Variants in PCDHGA1 observed in about 807,000 individuals in gnomAD.
PCDHGA1 encodes protocadherin gamma-A1.
PCDHGA1 carries 32 observed loss-of-function variants against 58.0 expected under a neutral mutation model. The ratio of observed to expected loss-of-function variants is 0.55; its 90% CI spans 0.42 to 0.74. The LOEUF (loss-of-function observed/expected upper bound fraction) is 0.74. Among genes scored for constraint, PCDHGA1 ranks in the 30% least tolerant of loss-of-function variants. The pLI is 0.00. For missense variants in PCDHGA1, 1,205 were observed against 1,182.3 expected (o/e 1.02, Z -0.28); for synonymous variants, 498 against 501.1 (o/e 0.99, Z 0.08).
intron 1 of PCDHGA1, among the ~76,000 whole-genome samples, chr5:141,437,415 G>A: frequency 6.6e-6 from 1 of 152,162 alleles, no homozygotes; most frequent in Non-Finnish European, 1.5e-5. Context: ...GAAGTATTAT[G>A]CTTTTTGAAG....
At chr5:141,453,205 G>C (rs570291941) in intron 1 of PCDHGA1, among the ~76,000 whole-genome samples, 2 of 151,872 alleles carry the variant, frequency 1.3e-5, no homozygotes, top group Non-Finnish European at 2.9e-5. Context: ...CCTCAACCTC[G>C]TGCACTTAAG....
chr5:141,332,610 C>G lies in PCDHGA1; in HGVS notation c.1926C>G (p.Leu642=). The part of the protein sequence containing the change: ...LLDRDALKQS[L]VVAVQDHGQP... ...ACAGAGACGCGCTCAAGCAGAGTCT[C>G]GTGGTGGCCGTCCAGGACCACGGCC... Residue 642 remains leucine, a synonymous_variant, in exon 1 of 4, where the codon CTC becomes CTG. Transcript: ENST00000517417. This position sits in a 1 kb window ranked among gnomAD's most constrained non-coding sequence, Gnocchi z 4.6. 1 of 1,612,896 alleles carries G rather than the reference C, an allele frequency of 6.2e-7. No homozygotes were observed.
chr5:141,484,000 G>C (rs1425172275), intron 1 of PCDHGA1, among the ~76,000 whole-genome samples: 1 of 147,812 alleles, frequency 6.8e-6, no homozygotes, highest in Admixed American at 6.8e-5. Context: ...TGGGAGGTCT[G>C]GATGAGGGTG....
chr5:141,428,119 C>CCGGGCTTTTCAGCCTGGGGCTGCACA, intron 1 of PCDHGA1: 1 of 1,606,630 alleles, frequency 6.2e-7, no homozygotes, highest in Non-Finnish European at 8.5e-7. Context: ...GCCATCGAGC[C>CCGGGCTTTTCAGCCTGGGGCTGCACA]CGGGCTTTTC....
chr5:141,383,268 A>C (rs773903039), intron 1 of PCDHGA1: 1 of 1,613,816 alleles, frequency 6.2e-7, no homozygotes, highest in Non-Finnish European at 8.5e-7. Context: ...ACGTGGAAAT[A>C]ATAGATATTA....
At chr5:141,409,262 G>A (rs768196825) in intron 1 of PCDHGA1, 2 of 1,613,834 alleles carry the variant, frequency 1.2e-6, no homozygotes, top group African/African-American at 2.7e-5. Flanking sequence ...TTCTCTCTCT[G>A]ATCAGATTTT....
intron 1 of PCDHGA1, chr5:141,395,935 A>T (rs950567838): frequency 6.6e-6 from 1 of 152,118 alleles, no homozygotes; most frequent in Non-Finnish European, 1.5e-5. Context: ...TAGAATGTCC[A>T]TTGCTCCCCC....
intron 1 of PCDHGA1, chr5:141,372,480 T>A (rs777083908): frequency 1.2e-5 from 19 of 1,613,928 alleles, no homozygotes; most frequent in Non-Finnish European, 1.6e-5. Flanking sequence ...AGTAGTGGCG[T>A]TGGCCTTGAT....
At chr5:141,375,620 A>T in intron 1 of PCDHGA1, 1 of 1,614,156 alleles carries the variant, frequency 6.2e-7, no homozygotes, top group African/African-American at 1.3e-5. Flanking sequence ...CGACACTGGG[A>T]TTCTGTACGC....
chr5:141,415,745 T>C, intron 1 of PCDHGA1: 1 of 517,922 alleles, frequency 1.9e-6, no homozygotes, highest in Non-Finnish European at 2.4e-6. Context: ...TTAAGGTTTT[T>C]TTTTTTTTTT....
intron 1 of PCDHGA1, chr5:141,414,449 C>T (rs1223779483): frequency 6.2e-7 from 1 of 1,613,730 alleles, no homozygotes; most frequent in Non-Finnish European, 8.5e-7. Context: ...TACAATATCA[C>T]AGTGACAGCC....
At chr5:141,374,035 A>G in intron 1 of PCDHGA1, 1 of 1,444,760 alleles carries the variant, frequency 6.9e-7, no homozygotes, top group Non-Finnish European at 9.1e-7. Context: ...AGTGATGCAG[A>G]TCTGTTCTTC....
chr5:141,465,893 C>T (rs926928579), intron 1 of PCDHGA1, among the ~76,000 whole-genome samples: 23 of 152,078 alleles, frequency 1.5e-4, no homozygotes, highest in Middle Eastern at 3.4e-3. Context: ...GAGGCCGAGG[C>T]GGGCAAATCA....
chr5:141,385,571 T>C (rs2090288104), intron 1 of PCDHGA1: 5 of 1,299,428 alleles, frequency 3.8e-6, no homozygotes, highest in Non-Finnish European at 4.9e-6. Context: ...TCCACCTACT[T>C]TCCAATCTAT....
intron 1 of PCDHGA1, chr5:141,370,690 A>C: frequency 1.2e-6 from 2 of 1,613,828 alleles, no homozygotes; most frequent in African/African-American, 2.7e-5. Flanking sequence ...TGTGGCAAGA[A>C]GTCGACGTGT....
chr5:141,389,355 G>A, intron 1 of PCDHGA1: 3 of 1,613,950 alleles, frequency 1.9e-6, no homozygotes, highest in Non-Finnish European at 1.7e-6. Flanking sequence ...CTGCATCATG[G>A]CCAGTGACCT....
chr5:141,487,671 G>A lies in PCDHGA1; in HGVS notation c.2422-7136G>A. The A allele has an allele frequency of 6.2e-7, 1 of 1,612,012 alleles. No homozygotes were observed. The highest frequency in any genetic ancestry group is 8.5e-7 in the Non-Finnish European group (1 of 1,178,932). ...GAGGGTTATTCTGATCCAGGCATAT[G>A]GCTAGGCCATGTCCTAGAGAGTACT... On this transcript the variant is annotated intron_variant, in intron 1 of 3. Transcript: ENST00000517417. This position sits in a 1 kb window ranked among gnomAD's most constrained non-coding sequence, Gnocchi z 5.0.
chr5:141,413,880 T>G, intron 1 of PCDHGA1: 1 of 1,613,420 alleles, frequency 6.2e-7, no homozygotes, highest in Non-Finnish European at 8.5e-7. Flanking sequence ...TCAGTGTGAC[T>G]GTCTTCGATG....
chr5:141,479,710 T>C (rs901198074), intron 1 of PCDHGA1: 1 of 152,264 alleles, frequency 6.6e-6, no homozygotes, highest in African/African-American at 2.4e-5. Flanking sequence ...GTCCCTGTCC[T>C]TCCAGCCTTA....
Sources: allele counts gnomAD v4.1 joint callset (sites outside exome capture counted in the v4.1 genomes callset), GRCh38; gene constraint gnomAD v4.1.1; non-coding constraint Gnocchi (gnomAD v3.1); transcripts MANE v1.5; gene names NCBI Gene and HGNC (gene_info 2026-07-23, HGNC 2026-07-21).